PRELID2: variants seen among roughly 807,000 people sequenced by gnomAD.
PRELID2 encodes the protein PRELI domain-containing protein 2.
In PRELID2, 25 loss-of-function variants were observed where a neutral mutation model predicts 28.4. The ratio of observed to expected loss-of-function variants is 0.88; its 90% CI spans 0.64 to 1.23. PRELID2 has a LOEUF of 1.23. Ranked by LOEUF, PRELID2 falls within the 50% of genes most tolerant of loss-of-function variation. PRELID2 has a pLI of 0.00. For missense variants in PRELID2, 201 were observed against 214.4 expected (o/e 0.94, Z 0.39); for synonymous variants, 76 against 71.6 (o/e 1.06, Z -0.31).
At chr5:145,458,866 T>C in the PRELID2 span, among the ~76,000 whole-genome samples, 1 of 152,230 alleles carries the variant, frequency 6.6e-6, no homozygotes, top group Non-Finnish European at 1.5e-5. Context: ...CTGATTTGTT[T>C]TTATTCATTT....
intron 1 of PRELID2, among the ~76,000 whole-genome samples, chr5:145,622,164 G>T (rs548211411): frequency 4.6e-5 from 7 of 152,196 alleles, no homozygotes; most frequent in African/African-American, 1.7e-4. Context: ...GTCTAGGGCT[G>T]GGAGTTGAGG....
the PRELID2 span, among the ~76,000 whole-genome samples, chr5:145,398,698 T>G: frequency 4.6e-5 from 7 of 152,152 alleles, no homozygotes; most frequent in Admixed American, 3.9e-4. Flanking sequence ...CACGTGGAGC[T>G]TGCATCCAAG....
intron 1 of PRELID2, among the ~76,000 whole-genome samples, chr5:145,661,702 G>C (rs1040822736): frequency 9.5e-5 from 14 of 148,140 alleles, no homozygotes; most frequent in Non-Finnish European, 1.9e-4. Flanking sequence ...TGTTATGCTT[G>C]CAAGTGCCAT....
chr5:145,803,057 C>CA (rs1304765693), intron 4 of PRELID2, among the ~76,000 whole-genome samples: 1 of 151,822 alleles, frequency 6.6e-6, no homozygotes, highest in Non-Finnish European at 1.5e-5. Flanking sequence ...CTTTGAGGGG[C>CA]AAAAAAAGCT....
chr5:145,317,169 C>T, the PRELID2 span, among the ~76,000 whole-genome samples: 1 of 152,156 alleles, frequency 6.6e-6, no homozygotes, highest in African/African-American at 2.4e-5. Flanking sequence ...TTAATAGGTG[C>T]TTTCAAGCAC....
the PRELID2 span, among the ~76,000 whole-genome samples, chr5:145,263,892 A>G: frequency 6.6e-6 from 1 of 151,552 alleles, no homozygotes; most frequent in Admixed American, 6.6e-5. Context: ...ACAGATTCAC[A>G]GCTGAATTCT....
intron 1 of PRELID2, among the ~76,000 whole-genome samples, chr5:145,694,918 G>A (rs565200891): frequency 3.9e-5 from 6 of 152,002 alleles, no homozygotes; most frequent in Non-Finnish European, 8.8e-5. Context: ...ATTCACTAAC[G>A]CCAGAACTGA....
chr5:145,527,867 C>T (rs371045085), intron 1 of PRELID2, among the ~76,000 whole-genome samples: 35 of 152,170 alleles, frequency 2.3e-4, no homozygotes, highest in East Asian at 1.9e-3. Flanking sequence ...AAAATAAGCA[C>T]CCCGAAAGTG....
intron 1 of PRELID2, among the ~76,000 whole-genome samples, chr5:145,554,652 G>A (rs1752865229): frequency 6.6e-6 from 1 of 152,242 alleles, no homozygotes; most frequent in Non-Finnish European, 1.5e-5. Flanking sequence ...ATAGGGCTGT[G>A]TTGTTGGCTG....
chr5:145,651,117 G>A (rs980323309), intron 1 of PRELID2, among the ~76,000 whole-genome samples: 7 of 152,260 alleles, frequency 4.6e-5, no homozygotes, highest in East Asian at 3.9e-4. Flanking sequence ...GATATCCCAC[G>A]CCTGGCTCAG....
chr5:145,512,498 G>A (rs376405804), intron 1 of PRELID2, among the ~76,000 whole-genome samples: 10 of 152,356 alleles, frequency 6.6e-5, no homozygotes, highest in East Asian at 1.9e-4. Flanking sequence ...GCCCCAGTAA[G>A]GGGCTTATAG....
intron 5 of PRELID2, among the ~76,000 whole-genome samples, chr5:145,787,886 C>T (rs757850181): frequency 1.3e-5 from 2 of 152,022 alleles, no homozygotes; most frequent in Non-Finnish European, 2.9e-5. Flanking sequence ...AGTATATGAA[C>T]AAATAATCAG....
the PRELID2 span, among the ~76,000 whole-genome samples, chr5:145,406,504 G>T: frequency 2.6e-5 from 4 of 152,280 alleles, no homozygotes; most frequent in South Asian, 8.3e-4. Flanking sequence ...AATGAAAATT[G>T]TATATATTTT....
chr5:145,278,185 A>T, the PRELID2 span, among the ~76,000 whole-genome samples: 1 of 152,172 alleles, frequency 6.6e-6, no homozygotes, highest in Non-Finnish European at 1.5e-5. Context: ...TTCTCAGGGA[A>T]TATCACTAGC....
chr5:145,774,691 C>T (rs763072324), intron 5 of PRELID2, among the ~76,000 whole-genome samples: 34 of 152,214 alleles, frequency 2.2e-4, no homozygotes, highest in Non-Finnish European at 3.7e-4. Flanking sequence ...GAGTCACTAA[C>T]ACTTCTGTTT....
At chr5:145,720,914 T>A (rs1433211640) in intron 1 of PRELID2, among the ~76,000 whole-genome samples, 1 of 152,074 alleles carries the variant, frequency 6.6e-6, no homozygotes, top group African/African-American at 2.4e-5. Flanking sequence ...TTTGAGGACC[T>A]CAGAAAGTTT....
At chr5:145,701,943 C>T (rs1034302583) in intron 1 of PRELID2, among the ~76,000 whole-genome samples, 8 of 151,654 alleles carry the variant, frequency 5.3e-5, no homozygotes, top group East Asian at 3.9e-4. Context: ...CCCAGGTACT[C>T]GGGAGGCCAA....
the PRELID2 span, among the ~76,000 whole-genome samples, chr5:145,436,333 G>T: frequency 3.9e-5 from 6 of 152,156 alleles, no homozygotes; most frequent in Non-Finnish European, 8.8e-5. Context: ...CCAGTCTATT[G>T]TTGATGGGCT....
chr5:145,326,231 C>T, the PRELID2 span, among the ~76,000 whole-genome samples: 1 of 152,050 alleles, frequency 6.6e-6, no homozygotes, highest in African/African-American at 2.4e-5. Flanking sequence ...GTCTCCAACT[C>T]CTGAGCTCAA....
Sources: gnomAD v4.1 joint callset for allele counts (sites outside exome capture counted in the v4.1 genomes callset) on GRCh38, gnomAD v4.1.1 for gene constraint, MANE v1.5 for transcripts, NCBI Gene and HGNC (gene_info 2026-07-23, HGNC 2026-07-21) for gene names.